LANCL3: variants seen among roughly 807,000 people sequenced by gnomAD.
LANCL3 encodes the protein lanC-like protein 3.
LANCL3 carries 19 observed loss-of-function variants against 26.5 expected under a neutral mutation model. The ratio of observed to expected loss-of-function variants is 0.72; its 90% CI spans 0.50 to 1.05. The LOEUF is 1.05. LANCL3 is among the 50% of genes least tolerant of loss of function. The probability of loss-of-function intolerance (pLI) is 0.00; values close to 1 mark genes in which losing one functional copy is unlikely to be tolerated. For synonymous variants in LANCL3, 160 were observed against 166.6 expected (o/e 0.96, Z 0.30); for missense variants, 318 against 362.7 (o/e 0.88, Z 1.00).
In LANCL3 at chrX:37,573,084, A is replaced by C. The variant is rs1303721541; in HGVS notation, c.573+641A>C. On this transcript the variant is annotated intron_variant, in intron 1 of 4. Coordinates refer to ENST00000378619, the MANE Select transcript of LANCL3 (RefSeq NM_001170331.2). ...TTGAATGTGCATTATTTCACTTAAA[A>C]ATATTTGCTTAGGATGGGCAAGACC... Among the ~76,000 whole-genome samples the C allele has an allele frequency of 5.3e-5, 6 of 112,753 alleles. No homozygotes were observed. The South Asian group carries it at 1.1e-3, about 21-fold the overall frequency.
At chrX:37,595,272 A>G (rs1556419388) in intron 1 of LANCL3, among the ~76,000 whole-genome samples, 1 of 112,300 alleles carries the variant, frequency 8.9e-6, no homozygotes, top group African/African-American at 3.2e-5. Context: ...AGGAAGGAAT[A>G]CAGATGACGT....
At chrX:37,588,471 T>G (rs782616529) in intron 1 of LANCL3, among the ~76,000 whole-genome samples, 24 of 111,693 alleles carry the variant, frequency 2.1e-4, no homozygotes, top group African/African-American at 7.5e-4. Flanking sequence ...TATGCATGTG[T>G]ATATAAGATA....
At chrX:37,593,254 A>G (rs1924338489) in intron 1 of LANCL3, among the ~76,000 whole-genome samples, 1 of 111,290 alleles carries the variant, frequency 9.0e-6, no homozygotes, top group Admixed American at 9.5e-5. Flanking sequence ...ATCACGGCTG[A>G]GTATTAATAC....
intron 1 of LANCL3, among the ~76,000 whole-genome samples, chrX:37,579,366 T>G: frequency 9.0e-6 from 1 of 111,588 alleles, no homozygotes; most frequent in Non-Finnish European, 1.9e-5. Context: ...AGTGGATGCC[T>G]GGAACCACGG....
chrX:37,661,009 G>C (rs1284323283), intron 3 of LANCL3, among the ~76,000 whole-genome samples: 3 of 95,424 alleles, frequency 3.1e-5, no homozygotes, highest in Admixed American at 1.1e-4. Flanking sequence ...TTTGTGGGCG[G>C]GGGGGGAACA....
chrX:37,630,074 G>A (rs1412119314), intron 1 of LANCL3, among the ~76,000 whole-genome samples: 3 of 110,761 alleles, frequency 2.7e-5, no homozygotes, highest in South Asian at 3.8e-4. Context: ...GATTCTTCCT[G>A]CCCATGAGCA....
intron 1 of LANCL3, among the ~76,000 whole-genome samples, chrX:37,580,189 C>A (rs1371048792): frequency 9.0e-6 from 1 of 111,459 alleles, no homozygotes; most frequent in Non-Finnish European, 1.9e-5. Context: ...GGGTTCAATT[C>A]CTAATTGCCT....
At chrX:37,614,633 T>G (rs1556421524) in intron 1 of LANCL3, among the ~76,000 whole-genome samples, 1 of 112,186 alleles carries the variant, frequency 8.9e-6, no homozygotes, top group African/African-American at 3.2e-5. Flanking sequence ...AAGAGAAGTG[T>G]TAGTTGAAAT....
At chrX:37,594,486 A>G (rs1924369895) in intron 1 of LANCL3, among the ~76,000 whole-genome samples, 1 of 111,996 alleles carries the variant, frequency 8.9e-6, no homozygotes, top group Admixed American at 9.5e-5. Context: ...ACAGGCATCA[A>G]CCAGTGGGGA....
In LANCL3 at chrX:37,680,097, T is replaced by C. The variant is rs1440003485; in HGVS notation, c.*4284T>C. ...TCTTAGCTAAGAGTTCCAGCCTCAGTACAGCTGGATTACCCTTTGGACAGA... is the reference window on the plus strand; with the variant it reads ...TCTTAGCTAAGAGTTCCAGCCTCAGCACAGCTGGATTACCCTTTGGACAGA... On this transcript the variant is annotated 3_prime_UTR_variant, in exon 5 of 5. Transcript: ENST00000378619. The C allele has an allele frequency of 9.0e-6, 1 of 111,562 alleles. No homozygotes were observed. The highest frequency in any genetic ancestry group is 1.9e-5 in the Non-Finnish European group (1 of 53,107). The allele number at this position is 111,562 out of a possible 1,213,427, so 9.2% of individuals were successfully genotyped here.
At chrX:37,638,671 A>G (rs189956913) in intron 1 of LANCL3, among the ~76,000 whole-genome samples, 48 of 111,851 alleles carry the variant, frequency 4.3e-4, no homozygotes, top group Non-Finnish European at 7.3e-4. Context: ...AAAATGTACA[A>G]ATCTTAAGGG....
At chrX:37,633,018 A>G (rs1470054170) in intron 1 of LANCL3, among the ~76,000 whole-genome samples, 1 of 111,402 alleles carries the variant, frequency 9.0e-6, no homozygotes, top group Non-Finnish European at 1.9e-5. Context: ...TAGATTGGGG[A>G]AGTTCTCCTG....
At chrX:37,619,433 G>C (rs1925094698) in intron 1 of LANCL3, among the ~76,000 whole-genome samples, 1 of 111,067 alleles carries the variant, frequency 9.0e-6, no homozygotes, top group Admixed American at 9.6e-5. Context: ...AAATTTAGCA[G>C]AGTTCATACA....
chrX:37,585,250 T>G (rs184553801), intron 1 of LANCL3, among the ~76,000 whole-genome samples: 2 of 111,814 alleles, frequency 1.8e-5, no homozygotes, highest in East Asian at 5.6e-4. Context: ...TGTGGTATGG[T>G]GCTGAAAAGA....
intron 3 of LANCL3, among the ~76,000 whole-genome samples, chrX:37,666,484 C>G (rs1926550295): frequency 8.9e-6 from 1 of 112,156 alleles, no homozygotes; most frequent in South Asian, 3.7e-4. Flanking sequence ...AGTCAAGATA[C>G]CAGCTATATT....
At chrX:37,659,747 A>G (rs1926374023) in intron 3 of LANCL3, 88 bp downstream of exon 3, 2 of 769,808 alleles carry the variant, frequency 2.6e-6, no homozygotes, top group African/African-American at 2.1e-5. Context: ...AGGATAGCTA[A>G]TCTTATGTCA....
At chrX:37,577,555 T>A (rs4284167) in intron 1 of LANCL3, among the ~76,000 whole-genome samples, 2 of 112,355 alleles carry the variant, frequency 1.8e-5, no homozygotes, top group African/African-American at 3.2e-5. Context: ...GAAATGCTAA[T>A]TTGTTTAAGT....
At chrX:37,640,163 A>T (rs782652195) in intron 1 of LANCL3, among the ~76,000 whole-genome samples, 1 of 112,447 alleles carries the variant, frequency 8.9e-6, no homozygotes, top group Non-Finnish European at 1.9e-5. Context: ...ATGTTATATT[A>T]GGCTGTTTTC....
At chrX:37,599,810 G>A (rs1924534288) in intron 1 of LANCL3, among the ~76,000 whole-genome samples, 2 of 111,896 alleles carry the variant, frequency 1.8e-5, no homozygotes, top group Non-Finnish European at 3.8e-5. Flanking sequence ...TTGGTGCTAT[G>A]ATGGGTATAA....
Sources: allele counts gnomAD v4.1 joint callset (sites outside exome capture counted in the v4.1 genomes callset), GRCh38; gene constraint gnomAD v4.1.1; transcripts MANE v1.5; gene names NCBI Gene and HGNC (gene_info 2026-07-23, HGNC 2026-07-21).